The following KIRREL3 variants were observed in gnomAD, a reference collection of about 807,000 sequenced individuals.
The protein encoded by KIRREL3 is kin of IRRE-like protein 3.
Under a neutral mutation model 89.7 loss-of-function variants are expected in KIRREL3, and 36 were observed. The ratio of observed to expected loss-of-function variants is 0.40; its 90% CI spans 0.31 to 0.53. The LOEUF (loss-of-function observed/expected upper bound fraction) is 0.53, where lower values mean the gene tolerates loss of function less well. Among genes scored for constraint, KIRREL3 ranks in the 20% least tolerant of loss-of-function variants. The pLI, the probability that KIRREL3 is intolerant of heterozygous loss-of-function variation, is 0.49. For missense variants in KIRREL3, 864 were observed against 1,056.6 expected (o/e 0.82, Z 2.53); for synonymous variants, 445 against 441.4 (o/e 1.01, Z -0.10).
At chr11:126,926,426 G>A (rs116236635) in intron 1 of KIRREL3, among the ~76,000 whole-genome samples, 1 of 152,322 alleles carries the variant, frequency 6.6e-6, no homozygotes, top group African/African-American at 2.4e-5. Flanking sequence ...GTAATGAGCA[G>A]CTCTCTTTGG....
rs1305374779 is a variant in KIRREL3 at position 126,455,338 on chromosome 11, C to T, written c.848+1011G>A. Among the ~76,000 whole-genome samples, 1 of 152,182 alleles carries T rather than the reference C, an allele frequency of 6.6e-6. No individual in the cohort carries two copies. The highest frequency in any genetic ancestry group is 1.5e-5 in the Non-Finnish European group (1 of 68,038). On this transcript the variant is annotated intron_variant, in intron 7 of 16. Coordinates refer to ENST00000525144, the MANE Select transcript of KIRREL3 (RefSeq NM_032531.4). The surrounding 1 kb of genome is among the most constrained non-coding windows in gnomAD (Gnocchi z 6.4). The stretch of plus-strand genomic sequence containing the variant: ...GACAGTGCCCAGGCAGAAAGGCGCC[C>T]AGAGGAAGCGTGTGTTTATTGGATC...
chr11:126,815,586 T>G (rs529126226), intron 1 of KIRREL3, among the ~76,000 whole-genome samples: 4 of 152,228 alleles, frequency 2.6e-5, no homozygotes, highest in Non-Finnish European at 4.4e-5. Context: ...CAGGCTGGAG[T>G]GCAGTGGCGC....
chr11:126,810,590 A>G, intron 1 of KIRREL3, among the ~76,000 whole-genome samples: 1 of 143,008 alleles, frequency 7.0e-6, no homozygotes, highest in Admixed American at 6.9e-5. Flanking sequence ...AAGGAAAGAC[A>G]ATAAGGCCAG....
At chr11:126,975,928 CTCCCTCCCTCCCTTCCTTCCT>C (rs1488236438) in intron 1 of KIRREL3, among the ~76,000 whole-genome samples, 6 of 113,724 alleles carry the variant, frequency 5.3e-5, no homozygotes, top group Admixed American at 3.6e-4. Context: ...TCCTCCCTCC[CTCCCTCCCTCCCTTCCTTCCT>C]TCCCTCCGTC....
intron 1 of KIRREL3, among the ~76,000 whole-genome samples, chr11:126,972,786 A>G (rs1348082556): frequency 6.6e-6 from 1 of 152,114 alleles, no homozygotes; most frequent in African/African-American, 2.4e-5. Flanking sequence ...CCTTCCCTAC[A>G]TATTCTTCTT....
intron 1 of KIRREL3, among the ~76,000 whole-genome samples, chr11:126,869,028 C>T (rs924302483): frequency 6.6e-6 from 1 of 152,142 alleles, no homozygotes; most frequent in African/African-American, 2.4e-5. Flanking sequence ...CCTAATACTC[C>T]TAATCTCATC....
intron 1 of KIRREL3, among the ~76,000 whole-genome samples, chr11:126,961,267 T>A (rs1447460342): frequency 3.9e-5 from 6 of 152,256 alleles, no homozygotes; most frequent in African/African-American, 1.4e-4. Flanking sequence ...AAAGCTGAGA[T>A]AGGCCTAAAG....
rs1950100269 is a variant in KIRREL3 at position 126,993,595 on chromosome 11, C to T, written c.55+6860G>A. The stretch of plus-strand genomic sequence containing the variant: ...CTTAATCGAAGTGTCTGCTCCCCAA[C>T]CAGACTAAGAGCTCTGGGGCAGAAA... On this transcript the variant is annotated intron_variant, in intron 1 of 16. Coordinates refer to ENST00000525144, the MANE Select transcript of KIRREL3 (RefSeq NM_032531.4). This position sits in a 1 kb window ranked among gnomAD's most constrained non-coding sequence, Gnocchi z 6.1. 6.6e-6 allele frequency among the ~76,000 whole-genome samples: 1 copy of T among 152,184 alleles called. No individual in the cohort carries two copies. Among genetic ancestry groups the T allele is most frequent in the East Asian group, 1.9e-4 (1 of 5,202 alleles).
Position 126,778,848 on chromosome 11 carries a change from G to A in KIRREL3, c.56-215936C>T, listed in dbSNP as rs529542911. On this transcript the variant is annotated intron_variant, in intron 1 of 16. Transcript: ENST00000525144. The surrounding 1 kb of genome is among the most constrained non-coding windows in gnomAD (Gnocchi z 4.5). ...ATAAGTCCAGCATGGAAAAACTGTCGTTCTTGTTATTTTATAGTCTACCAG... is the reference window on the plus strand; with the variant it reads ...ATAAGTCCAGCATGGAAAAACTGTCATTCTTGTTATTTTATAGTCTACCAG... Among the ~76,000 whole-genome samples the A allele has an allele frequency of 1.8e-4, 27 of 152,262 alleles. No homozygotes were observed. Among genetic ancestry groups the A allele is most frequent in the Admixed American group, 1.2e-3 (19 of 15,300 alleles).
rs1056531225 is a variant in KIRREL3 at position 126,627,282 on chromosome 11, G to A, written c.56-64370C>T. On this transcript the variant is annotated intron_variant, in intron 1 of 16. Transcript: ENST00000525144. The surrounding 1 kb of genome is among the most constrained non-coding windows in gnomAD (Gnocchi z 5.0). ...GCTGTAGGATGCTGAGGATTCCTGG[G>A]GGAGATGAGGAAGGAGACAGAGGCT... is the stretch of plus-strand genomic sequence containing the variant. 8.5e-5 allele frequency among the ~76,000 whole-genome samples: 13 copies of A among 152,314 alleles called. No individual in the cohort carries two copies. The highest frequency in any genetic ancestry group is 2.4e-4 in the African/African-American group (10 of 41,556).
At chr11:126,699,267 T>G (rs1163232916) in intron 1 of KIRREL3, among the ~76,000 whole-genome samples, 1 of 152,172 alleles carries the variant, frequency 6.6e-6, no homozygotes, top group Non-Finnish European at 1.5e-5. Flanking sequence ...TGTCCTCACA[T>G]AGCCTGATAT....
chr11:126,547,050 G>T (rs2134514667), intron 2 of KIRREL3, among the ~76,000 whole-genome samples: 1 of 152,306 alleles, frequency 6.6e-6, no homozygotes, highest in East Asian at 1.9e-4. Context: ...TAAATAATCT[G>T]TATAGTATTT....
chr11:126,703,350 TG>T lies in KIRREL3; in HGVS notation c.56-140439del. 6.6e-6 allele frequency among the ~76,000 whole-genome samples: 1 copy of T among 152,370 alleles called. No individual in the cohort carries two copies. The highest frequency in any genetic ancestry group is 1.9e-4 in the East Asian group (1 of 5,188). ...TGCAGCAGCTTTGCTCATGGGGCAC[TG>T]GTGAGCAGCAAACAGAATCATCGTC... is the stretch of plus-strand genomic sequence containing the variant. On this transcript the variant is annotated intron_variant, in intron 1 of 16. Transcript: ENST00000525144. The surrounding 1 kb of genome is among the most constrained non-coding windows in gnomAD (Gnocchi z 4.6).
Position 126,490,200 on chromosome 11 carries a change from TTGTGTGTGTGTG to T in KIRREL3, c.434-16746_434-16735del, listed in dbSNP as rs10609593. Among the ~76,000 whole-genome samples the T allele has an allele frequency of 2.8e-4, 39 of 141,086 alleles. No homozygotes were observed. The highest frequency in any genetic ancestry group is 9.7e-4 in the South Asian group (4 of 4,140). The allele number at this position is 141,086 out of a possible 152,430, so 92.6% of individuals were successfully genotyped here. A position where few individuals can be genotyped will look rare whatever the true frequency, so the allele number is the denominator to read the frequency against. On this transcript the variant is annotated intron_variant, in intron 4 of 16. Transcript: ENST00000525144. The surrounding 1 kb of genome is among the most constrained non-coding windows in gnomAD (Gnocchi z 4.2). ...TATTTGCATTTGGCTTTGGAATGCA[TTGTGTGTGTGTG>T]TGTGTGTGTGTGTGTGTGGCGGGGG... is the stretch of plus-strand genomic sequence containing the variant.
chr11:126,933,232 C>A (rs141480512), intron 1 of KIRREL3, among the ~76,000 whole-genome samples: 573 of 152,188 alleles, frequency 3.8e-3, no homozygotes, highest in Non-Finnish European at 6.0e-3. Context: ...TCCTGTCCCA[C>A]TATCAAAGTC....
At chr11:126,842,005 C>A (rs562153903) in intron 1 of KIRREL3, among the ~76,000 whole-genome samples, 1 of 152,318 alleles carries the variant, frequency 6.6e-6, no homozygotes, top group East Asian at 1.9e-4. Flanking sequence ...TGGGCAGGCC[C>A]TGCACCAGGT....
rs1469698078 is a variant in KIRREL3, at chr11:126,969,001, C to G, written c.55+31454G>C. Among the ~76,000 whole-genome samples the G allele has an allele frequency of 6.6e-6, 1 of 152,196 alleles. No individual in the cohort carries two copies. Among genetic ancestry groups the G allele is most frequent in the Non-Finnish European group, 1.5e-5 (1 of 68,040 alleles). On this transcript the variant is annotated intron_variant, in intron 1 of 16. Transcript: ENST00000525144. The surrounding 1 kb of genome is among the most constrained non-coding windows in gnomAD (Gnocchi z 4.9). ...GGAGTGGTTACATTTTTGAGTATCT[C>G]TGCAGATACGGGAAAACCCTGCCTC...
chr11:126,707,525 C>T (rs147922656), intron 1 of KIRREL3, among the ~76,000 whole-genome samples: 36 of 152,246 alleles, frequency 2.4e-4, no homozygotes, highest in African/African-American at 8.2e-4. Flanking sequence ...TATGTCTATA[C>T]TCTATGTCAG....
rs182014059 is a variant in KIRREL3, at chr11:126,561,496, C to T, written c.133+1339G>A. Among the ~76,000 whole-genome samples, 283 of 152,294 alleles carry T rather than the reference C, an allele frequency of 1.9e-3. No individual in the cohort carries two copies. The highest frequency in any genetic ancestry group is 2.4e-3 in the Non-Finnish European group (165 of 68,034). On this transcript the variant is annotated intron_variant, in intron 2 of 16. Transcript: ENST00000525144. The surrounding 1 kb of genome is among the most constrained non-coding windows in gnomAD (Gnocchi z 4.5). ...CTATTCAGCACCACGGACAGAGGCA[C>T]GCTGTCAGTTCCCACAAATTAGAAG...
Sources: gnomAD v4.1 joint callset for allele counts (sites outside exome capture counted in the v4.1 genomes callset) on GRCh38, gnomAD v4.1.1 for gene constraint, Gnocchi (gnomAD v3.1) non-coding constraint, MANE v1.5 for transcripts, NCBI Gene and HGNC (gene_info 2026-07-23, HGNC 2026-07-21) for gene names.